Variants in DONSON observed in about 807,000 individuals in gnomAD.
The protein encoded by DONSON is DNA replication fork stabilization factor DONSON, also known as protein downstream neighbor of Son.
Under a neutral mutation model 62.1 loss-of-function variants are expected in DONSON, and 43 were observed. The ratio of observed to expected loss-of-function variants is 0.69; its 90% CI spans 0.54 to 0.89. DONSON has a LOEUF of 0.89. Ranked by LOEUF, DONSON falls within the 40% of genes least tolerant of loss-of-function variation. The pLI, the probability that DONSON is intolerant of heterozygous loss-of-function variation, is 0.00. For synonymous variants in DONSON, 266 were observed against 264.6 expected, an observed-to-expected ratio of 1.01 and a Z score of -0.05; for missense variants, 696 against 697.5, an observed-to-expected ratio of 1.00 and a Z score of 0.03.
intron 2 of DONSON, among the ~76,000 whole-genome samples, 156 bp from the exon 3 acceptor site, chr21:33,586,337 G>C (rs2086577485): frequency 6.6e-6 from 1 of 152,162 alleles, no homozygotes; most frequent in African/African-American, 2.4e-5. Context: ...AAAAAAGTCT[G>C]AAAGGAGTCA....
At chr21:33,585,387 ATTT>A (rs773327167) in intron 3 of DONSON, among the ~76,000 whole-genome samples, 2 of 109,814 alleles carry the variant, frequency 1.8e-5, no homozygotes, top group South Asian at 3.2e-4. Flanking sequence ...TGCTCAGCTA[ATTT>A]TTTTTTTTTT....
Position 33,579,348 on chromosome 21 carries a change from A to G in DONSON, c.1563+2T>C. The G allele has an allele frequency of 6.3e-7, 1 of 1,591,358 alleles. No homozygotes were observed. The stretch of plus-strand genomic sequence containing the variant: ...ACAGTCTGCTCATAGGTGTCTACTT[A>G]CCATATCAAGTACTTTGTCCATTTG... On this transcript the variant is annotated splice_donor_variant, in intron 9 of 9. Coordinates refer to ENST00000303071, the MANE Select transcript of DONSON (RefSeq NM_017613.4). LOFTEE classifies it high-confidence loss of function.
Position 33,587,500 on chromosome 21 carries a change from A to C in DONSON, c.402+22T>G, listed in dbSNP as rs768737171. The C allele has an allele frequency of 5.1e-6, 8 of 1,559,778 alleles. No homozygotes were observed. In the South Asian group the frequency reaches 7.3e-5, roughly 14 times the overall value. On this transcript the variant is annotated intron_variant, in intron 2 of 9. Transcript: ENST00000303071. ...AAAAGTTTATACAAATACACATTCT[A>C]ATGATATTTAAAAAGTATTACCTGA...
intron 5 of DONSON, 49 bp downstream of exon 5, chr21:33,583,439 T>G (rs534744181): frequency 7.1e-7 from 1 of 1,415,398 alleles, no homozygotes; most frequent in Non-Finnish European, 9.5e-7. Context: ...TAGGCCAAAA[T>G]AGGTTTACTA....
chr21:33,581,036 G>A lies in DONSON; in HGVS notation c.1350+266C>T, dbSNP rs2086502949. ...AGGGGTTGCAGTGAGTTGAGATCAC[G>A]CCACTGCACTCCATTCAGCCTGGAT... On this transcript the variant is annotated intron_variant, in intron 8 of 9. Coordinates refer to ENST00000303071, the MANE Select transcript of DONSON (RefSeq NM_017613.4). The A allele has an allele frequency of 3.8e-5, 11 of 290,562 alleles. No homozygotes were observed. The Admixed American group carries it at 4.0e-4, about 11-fold the overall frequency. The allele number at this position is 290,562 out of a possible 1,614,324, so 18.0% of individuals were successfully genotyped here.
intron 3 of DONSON, among the ~76,000 whole-genome samples, chr21:33,585,413 A>T (rs1206493079): frequency 2.5e-5 from 3 of 120,386 alleles, no homozygotes; most frequent in Admixed American, 1.9e-4. Context: ...TTTTTTGTAG[A>T]GATGGGGTCT....
At chr21:33,580,392 A>G (rs1161985028) in intron 8 of DONSON, among the ~76,000 whole-genome samples, 1 of 144,650 alleles carries the variant, frequency 6.9e-6, no homozygotes, top group Admixed American at 7.0e-5. Context: ...CGTCTCTACA[A>G]AAAATACAAA....
At chr21:33,578,551 T>A in intron 9 of DONSON, 107 bp from the exon 10 acceptor site, 5 of 1,213,040 alleles carry the variant, frequency 4.1e-6, no homozygotes, top group African/African-American at 1.5e-5. Flanking sequence ...ATTAATGTGA[T>A]TCATCCTATT....
At chr21:33,588,109 C>T (rs1327179840) in intron 1 of DONSON, among the ~76,000 whole-genome samples, 3 of 152,222 alleles carry the variant, frequency 2.0e-5, no homozygotes, top group Non-Finnish European at 4.4e-5. Flanking sequence ...GAGCACAGCC[C>T]GCAGCGGGGT....
chr21:33,582,317 T>A, intron 5 of DONSON, 71 bp from the exon 6 acceptor site: 1 of 1,277,424 alleles, frequency 7.8e-7, no homozygotes, highest in Non-Finnish European at 1.1e-6. Context: ...ACTTTTAGAG[T>A]GTAAAAAATT....
rs1311276190 is a variant in DONSON, at chr21:33,586,267, G to A, written c.403-86C>T. 3.7e-6 allele frequency: 4 copies of A among 1,092,510 alleles called. No homozygotes were observed. In the South Asian group the frequency reaches 4.1e-5, roughly 11 times the overall value. The allele number at this position is 1,092,510 out of a possible 1,614,324, so 67.7% of individuals were successfully genotyped here. A position where few individuals can be genotyped will look rare whatever the true frequency, so the allele number is the denominator to read the frequency against. ...GATTTTATCAGCTAACATGATCACT[G>A]AAAAGTAAAAATCATATAAGCTGTA... On this transcript the variant is annotated intron_variant, in intron 2 of 9. Transcript: ENST00000303071.
At chr21:33,581,006 G>A (rs543498799) in intron 8 of DONSON, among the ~76,000 whole-genome samples, 1 of 152,296 alleles carries the variant, frequency 6.6e-6, no homozygotes, top group East Asian at 1.9e-4. Context: ...TTGAACCCGG[G>A]AGGCAGGGGT....
intron 2 of DONSON, chr21:33,587,311 TAC>T (rs2145908351): frequency 2.1e-6 from 2 of 968,284 alleles, no homozygotes; most frequent in East Asian, 1.1e-4. Flanking sequence ...TGGCTATCTT[TAC>T]AGTCATCATT....
Position 33,588,592 on chromosome 21 carries a change from T to C in DONSON, c.50A>G (p.Glu17Gly). Residue 17 changes from glutamate to glycine, a missense_variant, in exon 1 of 10, where the codon GAG becomes GGG. Glu to Gly is a moderately conservative substitution (Grantham distance 98). Coordinates refer to ENST00000303071, the MANE Select transcript of DONSON (RefSeq NM_017613.4). ...CCTTTTCCGTCGGAGCCGCACTACC[T>C]CGGGCGGCTTTCGGAAGCCCGGTGA... Reference protein sequence around the residue: ...GYSPGFRKPPEVVRLRRKRAR... With the variant: ...GYSPGFRKPPGVVRLRRKRAR... 8.0e-7 allele frequency: 1 copy of C among 1,251,224 alleles called. No individual in the cohort carries two copies. The allele number at this position is 1,251,224 out of a possible 1,614,324, so 77.5% of individuals were successfully genotyped here. A position where few individuals can be genotyped will look rare whatever the true frequency, so the allele number is the denominator to read the frequency against.
intron 5 of DONSON, among the ~76,000 whole-genome samples, chr21:33,582,840 C>A (rs1271024534): frequency 1.3e-5 from 2 of 152,124 alleles, no homozygotes; most frequent in Non-Finnish European, 2.9e-5. Flanking sequence ...GCATTAGATT[C>A]TCACAGGGGC....
intron 5 of DONSON, 118 bp from the exon 6 acceptor site, chr21:33,582,364 G>A: frequency 2.6e-6 from 2 of 774,756 alleles, no homozygotes; most frequent in South Asian, 1.8e-5. Flanking sequence ...TATTAAGGCA[G>A]TAGAGTTTTC....
rs1344968218 is a variant in DONSON at position 33,578,413 on chromosome 21, C to G, written c.1595G>C (p.Gly532Ala). 12 of 1,613,822 alleles carry G rather than the reference C, an allele frequency of 7.4e-6. No individual in the cohort carries two copies. Among genetic ancestry groups the G allele is most frequent in the Non-Finnish European group, 1.0e-5 (12 of 1,179,852 alleles). The change falls in exon 10 of 10, where the codon GGT becomes GCT. Residue 532 changes from glycine (G) to alanine (A), a missense_variant. Physicochemically the swap from Gly to Ala is moderately conservative, Grantham distance 60. Coordinates refer to ENST00000303071, the MANE Select transcript of DONSON (RefSeq NM_017613.4). ...EVVHKELTNC[G>A]LHPNTLEQLS... ...TTGCTCCAGAGTGTTAGGGTGCAAA[C>G]CACAGTTAGTAAGCTCCTTATGAAC...
chr21:33,584,256 C>T (rs1003310905), intron 4 of DONSON, among the ~76,000 whole-genome samples: 18 of 151,324 alleles, frequency 1.2e-4, no homozygotes, highest in African/African-American at 4.4e-4. Flanking sequence ...CCGTGTTAGC[C>T]AGGATGGTCT....
At position 33,577,672 on chromosome 21, in the gene DONSON, CACACACACACACACACACACACACA is replaced by C. The variant is rs2086444760; in HGVS notation, c.*610_*634del. The C allele has an allele frequency of 2.0e-5, 2 of 101,562 alleles. No homozygotes were observed. The highest frequency in any genetic ancestry group is 9.4e-5 in the Admixed American group (1 of 10,596). The allele number at this position is 101,562 out of a possible 1,614,324, so 6.3% of individuals were successfully genotyped here. On this transcript the variant is annotated 3_prime_UTR_variant, in exon 10 of 10. Coordinates refer to ENST00000303071, the MANE Select transcript of DONSON (RefSeq NM_017613.4). Reference sequence around the variant, plus strand: ...ACACACACACACACACACACACACACACACACACACACACACACACACACACACACCCCTATAAGCACATTAAATA... The same window carrying C: ...ACACACACACACACACACACACACACCACACCCCTATAAGCACATTAAATA...
Sources: allele counts gnomAD v4.1 joint callset (sites outside exome capture counted in the v4.1 genomes callset), GRCh38; gene constraint gnomAD v4.1.1; transcripts MANE v1.5; gene names NCBI Gene and HGNC (gene_info 2026-07-23, HGNC 2026-07-21).